Variants in TAFA2 observed in about 807,000 individuals in gnomAD.
The protein encoded by TAFA2 is chemokine-like protein TAFA-2.
A neutral mutation model predicts 18.8 loss-of-function variants in TAFA2; 7 were observed. The observed-to-expected ratio is 0.37, with a 90% CI of 0.21 to 0.70. The LOEUF is 0.70. Ranked by LOEUF, TAFA2 falls within the 30% of genes least tolerant of loss-of-function variation. The pLI is 0.53. For synonymous variants in TAFA2, 60 were observed against 54.2 expected (o/e 1.11, Z -0.47); for missense variants, 122 against 158.1 (o/e 0.77, Z 1.23).
chr12:62,120,980 G>A (rs1379824476), intron 1 of TAFA2, among the ~76,000 whole-genome samples: 2 of 151,846 alleles, frequency 1.3e-5, no homozygotes, highest in South Asian at 2.1e-4. Context: ...TCAGCCTCCC[G>A]AATAGGTGGG....
chr12:61,962,782 G>T (rs1019237429), intron 1 of TAFA2, among the ~76,000 whole-genome samples: 1 of 151,642 alleles, frequency 6.6e-6, no homozygotes, highest in African/African-American at 2.4e-5. Flanking sequence ...TAAGTTCTGG[G>T]GTACATGTGC....
At chr12:62,177,871 CT>C (rs1185665813) in intron 1 of TAFA2, among the ~76,000 whole-genome samples, 2 of 152,034 alleles carry the variant, frequency 1.3e-5, no homozygotes, top group Admixed American at 6.6e-5. Context: ...TTTCTTCAAA[CT>C]TTTGCCAGTT....
At chr12:62,247,289 A>G (rs575163480) in intron 1 of TAFA2, among the ~76,000 whole-genome samples, 1 of 152,284 alleles carries the variant, frequency 6.6e-6, no homozygotes, top group South Asian at 2.1e-4. Flanking sequence ...TTTCACAACA[A>G]AATCATTTAT....
At chr12:62,173,052 C>T (rs1308312547) in intron 1 of TAFA2, among the ~76,000 whole-genome samples, 1 of 151,774 alleles carries the variant, frequency 6.6e-6, no homozygotes, top group South Asian at 2.1e-4. Flanking sequence ...AAGGCATGGC[C>T]CAATGTAGGG....
intron 1 of TAFA2, among the ~76,000 whole-genome samples, chr12:61,896,282 T>G (rs1380238527): frequency 2.0e-5 from 3 of 152,164 alleles, no homozygotes; most frequent in African/African-American, 7.2e-5. Context: ...TTAATAAAAT[T>G]CTGGAATGAA....
At chr12:61,887,540 C>T (rs557217801) in intron 1 of TAFA2, among the ~76,000 whole-genome samples, 206 of 149,706 alleles carry the variant, frequency 1.4e-3, no homozygotes, top group Non-Finnish European at 2.6e-3. Context: ...CCCACTAACT[C>T]GTCATCTAGC....
intron 1 of TAFA2, among the ~76,000 whole-genome samples, chr12:62,204,889 T>C (rs2062685644): frequency 6.6e-6 from 1 of 152,132 alleles, no homozygotes; most frequent in Non-Finnish European, 1.5e-5. Context: ...CTATGATCAT[T>C]TGGAGGAGAA....
chr12:61,956,338 A>G (rs1878694240), intron 1 of TAFA2, among the ~76,000 whole-genome samples: 1 of 152,136 alleles, frequency 6.6e-6, no homozygotes, highest in Non-Finnish European at 1.5e-5. Flanking sequence ...AAAGTAAAAT[A>G]AAACATCTCA....
intron 1 of TAFA2, among the ~76,000 whole-genome samples, chr12:61,897,673 G>A (rs1350064706): frequency 6.6e-6 from 1 of 152,120 alleles, no homozygotes; most frequent in East Asian, 1.9e-4. Context: ...CTCCCACCTG[G>A]TCCCTCCCTT....
intron 1 of TAFA2, among the ~76,000 whole-genome samples, chr12:62,026,139 A>G (rs919374350): frequency 6.6e-6 from 1 of 152,186 alleles, no homozygotes; most frequent in Non-Finnish European, 1.5e-5. Context: ...AACATTAACC[A>G]TGAAAAGGAT....
chr12:61,788,564 C>T (rs1870835978), intron 2 of TAFA2, among the ~76,000 whole-genome samples: 1 of 151,500 alleles, frequency 6.6e-6, no homozygotes, highest in Admixed American at 6.6e-5. Flanking sequence ...AGAGCAGAAA[C>T]AAATGATATA....
intron 1 of TAFA2, among the ~76,000 whole-genome samples, chr12:62,172,543 C>T (rs574516835): frequency 6.6e-6 from 1 of 152,276 alleles, no homozygotes; most frequent in South Asian, 2.1e-4. Context: ...AAATGAAGTA[C>T]CACAGGCACT....
At chr12:62,072,612 C>T (rs549315535) in intron 1 of TAFA2, among the ~76,000 whole-genome samples, 1 of 152,140 alleles carries the variant, frequency 6.6e-6, no homozygotes, top group East Asian at 1.9e-4. Flanking sequence ...AAAATCCCAT[C>T]TCTACAAAAA....
At chr12:62,015,458 A>G (rs1032069913) in intron 1 of TAFA2, among the ~76,000 whole-genome samples, 1 of 152,212 alleles carries the variant, frequency 6.6e-6, no homozygotes, top group African/African-American at 2.4e-5. Context: ...CTGATCTCCT[A>G]CATAGTAGGA....
intron 1 of TAFA2, among the ~76,000 whole-genome samples, chr12:62,198,821 T>C (rs1382452932): frequency 6.6e-6 from 1 of 152,166 alleles, no homozygotes; most frequent in Non-Finnish European, 1.5e-5. Context: ...ACACAATAAA[T>C]ACTCTATAAA....
At chr12:62,054,538 A>G (rs1314777334) in intron 1 of TAFA2, among the ~76,000 whole-genome samples, 2 of 152,236 alleles carry the variant, frequency 1.3e-5, no homozygotes, top group African/African-American at 4.8e-5. Flanking sequence ...CAGAAAGGGA[A>G]GGTATATTTT....
At chr12:62,252,567 T>C (rs11174398) in intron 1 of TAFA2, 34,467 of 152,142 alleles carry the variant, frequency 0.23, 4,255 homozygotes, top group African/African-American at 0.34. Context: ...TACATTTGAT[T>C]CCCATATCCA....
intron 1 of TAFA2, among the ~76,000 whole-genome samples, chr12:62,165,108 G>A (rs140839288): frequency 5.9e-5 from 9 of 152,050 alleles, no homozygotes; most frequent in Non-Finnish European, 8.8e-5. Flanking sequence ...ACATACAGAG[G>A]GCGAGACTTC....
At chr12:62,025,781 T>C (rs1565720608) in intron 1 of TAFA2, among the ~76,000 whole-genome samples, 1 of 152,144 alleles carries the variant, frequency 6.6e-6, no homozygotes, top group Non-Finnish European at 1.5e-5. Context: ...ACAATTCAAA[T>C]TTTGTATTCT....
Sources: gnomAD v4.1 joint callset for allele counts (sites outside exome capture counted in the v4.1 genomes callset) on GRCh38, gnomAD v4.1.1 for gene constraint, MANE v1.5 for transcripts, NCBI Gene and HGNC (gene_info 2026-07-23, HGNC 2026-07-21) for gene names.